The following TRDN variants were observed in gnomAD, a reference collection of about 807,000 sequenced individuals.
TRDN encodes the protein triadin in skeletal muscle.
TRDN carries 161 observed loss-of-function variants against 149.7 expected under a neutral mutation model. The observed-to-expected ratio is 1.08, with a 90% CI of 0.95 to 1.23. The LOEUF (loss-of-function observed/expected upper bound fraction) is 1.23. Ranked by LOEUF, TRDN falls within the 50% of genes most tolerant of loss-of-function variation. TRDN has a pLI of 0.00. For synonymous variants in TRDN, 294 were observed against 250.5 expected, an observed-to-expected ratio of 1.17 and a Z score of -1.64; for missense variants, 896 against 823.5, an observed-to-expected ratio of 1.09 and a Z score of -1.08.
intron 12 of TRDN, among the ~76,000 whole-genome samples, chr6:123,415,578 C>A (rs941790331): frequency 6.6e-6 from 1 of 152,096 alleles, no homozygotes; most frequent in Non-Finnish European, 1.5e-5. Context: ...ATTTATTAGG[C>A]AAACACTATA....
intron 21 of TRDN, chr6:123,350,135 A>G: frequency 1.0e-6 from 1 of 973,192 alleles, no homozygotes; most frequent in Non-Finnish European, 1.2e-6. Context: ...GTTAAAATTT[A>G]TTCTTGATGG....
intron 21 of TRDN, among the ~76,000 whole-genome samples, chr6:123,339,759 C>T (rs548182250): frequency 3.7e-4 from 56 of 152,016 alleles, no homozygotes; most frequent in Non-Finnish European, 7.5e-4. Flanking sequence ...GAAAACACAC[C>T]CACACACTAA....
intron 20 of TRDN, among the ~76,000 whole-genome samples, chr6:123,365,567 C>T (rs1008981541): frequency 2.6e-5 from 4 of 152,008 alleles, no homozygotes; most frequent in South Asian, 2.1e-4. Flanking sequence ...TGCAGGTTTG[C>T]GTGTGTGTAT....
In TRDN at chr6:123,567,642, G is replaced by A. The variant is rs139970386; in HGVS notation, c.232+3281C>T. ...AGGAGCAAGAGAGAGAGTGGGGGGC[G>A]GGGGAGGTGCCACACACTTAAAAAA... On this transcript the variant is annotated intron_variant, in intron 2 of 40. Transcript: ENST00000334268. Among the ~76,000 whole-genome samples the A allele has an allele frequency of 7.5e-3, 1,141 of 152,030 alleles. 7 individuals carry two copies. Among genetic ancestry groups the A allele is most frequent in the African/African-American group, 0.026 (1,068 of 41,466 alleles).
At chr6:123,398,686 C>G (rs1772836162) in intron 12 of TRDN, among the ~76,000 whole-genome samples, 1 of 152,162 alleles carries the variant, frequency 6.6e-6, no homozygotes, top group Non-Finnish European at 1.5e-5. Context: ...AAGCATATTT[C>G]ATGGGCATTG....
At chr6:123,404,621 T>C (rs1773119684) in intron 12 of TRDN, among the ~76,000 whole-genome samples, 1 of 152,050 alleles carries the variant, frequency 6.6e-6, no homozygotes, top group Non-Finnish European at 1.5e-5. Context: ...GCTAATTCTA[T>C]TAAATAGAGA....
At chr6:123,525,095 C>T (rs1005176024) in intron 5 of TRDN, among the ~76,000 whole-genome samples, 12 of 152,072 alleles carry the variant, frequency 7.9e-5, no homozygotes, top group African/African-American at 2.9e-4. Context: ...CACTTATACA[C>T]TGTTAATGGA....
At chr6:123,498,714 C>A in intron 8 of TRDN, 1 of 426,336 alleles carries the variant, frequency 2.3e-6, no homozygotes, top group Non-Finnish European at 5.0e-6. Flanking sequence ...AGATTGTTTT[C>A]CTGAACAAAA....
chr6:123,486,315 C>T (rs890725746), intron 9 of TRDN, among the ~76,000 whole-genome samples: 12 of 151,098 alleles, frequency 7.9e-5, no homozygotes, highest in African/African-American at 2.9e-4. Flanking sequence ...GGGTATTTTC[C>T]CTCAATTTGG....
At position 123,216,740 on chromosome 6, in the gene TRDN, T is replaced by A. The variant is rs984324883; in HGVS notation, c.*1861A>T. 2 of 151,936 alleles carry A rather than the reference T, an allele frequency of 1.3e-5. No individual in the cohort carries two copies. Among genetic ancestry groups the A allele is most frequent in the African/African-American group, 4.8e-5 (2 of 41,432 alleles). The allele number at this position is 151,936 out of a possible 1,614,324, so 9.4% of individuals were successfully genotyped here. The stretch of plus-strand genomic sequence containing the variant: ...AAACAAACATAGTATGTTTAGTAAA[T>A]TTTTCAAGGTCATTCACTATGTCAG... On this transcript the variant is annotated 3_prime_UTR_variant, in exon 41 of 41. Transcript: ENST00000334268.
intron 5 of TRDN, among the ~76,000 whole-genome samples, chr6:123,529,800 T>C (rs1030193876): frequency 6.6e-6 from 1 of 152,056 alleles, no homozygotes; most frequent in Non-Finnish European, 1.5e-5. Context: ...AAACTGACCA[T>C]TGGGAAAACC....
At chr6:123,551,342 T>TACACACACACACAC (rs10638140) in intron 2 of TRDN, among the ~76,000 whole-genome samples, 12 of 141,200 alleles carry the variant, frequency 8.5e-5, no homozygotes, top group Non-Finnish European at 1.6e-4. Context: ...AAAACCTAAA[T>TACACACACACACAC]ACACACACAC....
chr6:123,593,861 A>G (rs1443394121), intron 1 of TRDN, among the ~76,000 whole-genome samples: 1 of 152,196 alleles, frequency 6.6e-6, no homozygotes, highest in East Asian at 1.9e-4. Flanking sequence ...CAATAAAATT[A>G]TCTTTTAAAA....
intron 8 of TRDN, chr6:123,502,313 A>G: frequency 1.2e-6 from 1 of 851,734 alleles, no homozygotes. Context: ...CATAATTTTG[A>G]TGGAAGTAAT....
At chr6:123,295,870 C>T (rs1269629689) in intron 24 of TRDN, among the ~76,000 whole-genome samples, 2 of 151,550 alleles carry the variant, frequency 1.3e-5, no homozygotes, top group Non-Finnish European at 2.9e-5. Context: ...GAGACTGAAA[C>T]ACGAGAATCG....
chr6:123,322,613 TTTATTATTA>T (rs139658634), intron 23 of TRDN, among the ~76,000 whole-genome samples: 5,528 of 140,886 alleles, frequency 0.039, 229 homozygotes, highest in African/African-American at 0.099. Flanking sequence ...TTTTTTAAAA[TTTATTATTA>T]TTATTATTAT....
intron 1 of TRDN, among the ~76,000 whole-genome samples, chr6:123,588,425 A>G (rs769616607): frequency 6.6e-6 from 1 of 152,160 alleles, no homozygotes; most frequent in Admixed American, 6.5e-5. Flanking sequence ...GACATGTCTG[A>G]CACCTCCTTC....
At chr6:123,364,056 G>C (rs551182875) in intron 20 of TRDN, among the ~76,000 whole-genome samples, 1 of 152,306 alleles carries the variant, frequency 6.6e-6, no homozygotes, top group Non-Finnish European at 1.5e-5. Flanking sequence ...TTCTTTTTCT[G>C]TATGTCATGT....
At chr6:123,592,087 C>T (rs61532423) in intron 1 of TRDN, among the ~76,000 whole-genome samples, 25,889 of 152,096 alleles carry the variant, frequency 0.17, 2,301 homozygotes, top group East Asian at 0.29. Flanking sequence ...TCAACATTCT[C>T]ATCCTGCTCG....
Sources: gnomAD v4.1 joint callset for allele counts (sites outside exome capture counted in the v4.1 genomes callset) on GRCh38, gnomAD v4.1.1 for gene constraint, MANE v1.5 for transcripts, NCBI Gene and HGNC (gene_info 2026-07-23, HGNC 2026-07-21) for gene names.